The following DERL3 variants were observed in gnomAD, a reference collection of about 807,000 sequenced individuals.
DERL3 encodes derlin-3.
In DERL3, 20 loss-of-function variants were observed where a neutral mutation model predicts 23.8. The observed-to-expected ratio is 0.84, with a 90% CI of 0.59 to 1.22. The LOEUF is 1.22. Among genes scored for constraint, DERL3 ranks in the 50% most tolerant of loss-of-function variants. The probability of loss-of-function intolerance (pLI) is 0.00; values close to 1 mark genes in which losing one functional copy is unlikely to be tolerated. For missense variants in DERL3, 319 were observed against 304.1 expected, an observed-to-expected ratio of 1.05 and a Z score of -0.36; for synonymous variants, 145 against 132.5, an observed-to-expected ratio of 1.09 and a Z score of -0.65.
In DERL3 at chr22:23,837,229, C is replaced by T. The variant is rs765935859; in HGVS notation, c.524-75G>A. Reference sequence around the variant, plus strand: ...TAGACCAGCAGAGCCTGCCCCAGGCCCCCATCCACAGCCTGGTGGCCCTGC... The same window carrying T: ...TAGACCAGCAGAGCCTGCCCCAGGCTCCCATCCACAGCCTGGTGGCCCTGC... On this transcript the variant is annotated intron_variant, in intron 5 of 6. Coordinates refer to ENST00000318109, the MANE Select transcript of DERL3 (RefSeq NM_001002862.3). 2.3e-5 allele frequency: 36 copies of T among 1,551,500 alleles called. No homozygotes were observed. In the East Asian group the frequency reaches 6.6e-4, roughly 28 times the overall value.
Position 23,835,989 on chromosome 22 carries a change from G to T in DERL3, c.*880C>A, listed in dbSNP as rs1171246977. On this transcript the variant is annotated 3_prime_UTR_variant, in exon 7 of 7. Coordinates refer to ENST00000318109, the MANE Select transcript of DERL3 (RefSeq NM_001002862.3). The stretch of plus-strand genomic sequence containing the variant: ...AAAATGACAACCTGTCTTTGGAGGA[G>T]GCCCCGTGCCACTGAGCATCCAGAA... The T allele has an allele frequency of 3.0e-6, 3 of 985,376 alleles. No homozygotes were observed. The East Asian group carries it at 3.4e-4, about 112-fold the overall frequency. 61.0% of individuals were successfully genotyped at this position (985,376 alleles called of 1,614,324 possible). A position where few individuals can be genotyped will look rare whatever the true frequency, so the allele number is the denominator to read the frequency against.
rs1269632115 is a variant in DERL3 at position 23,837,814 on chromosome 22, G to C, written c.368C>G (p.Ala123Gly). The C allele has an allele frequency of 6.2e-7, 1 of 1,613,556 alleles. No homozygotes were observed. Among genetic ancestry groups the C allele is most frequent in the African/African-American group, 1.3e-5 (1 of 74,912 alleles). Residue 123 changes from alanine (A) to glycine (G), a missense_variant, in exon 5 of 7, where the codon GCC becomes GGC. Coordinates refer to ENST00000318109, the MANE Select transcript of DERL3 (RefSeq NM_001002862.3). ...LLGSLFFLGQ[A>G]LMAMLVYVWS... is the part of the protein sequence containing the mutation. The stretch of plus-strand genomic sequence containing the variant: ...CACGTACACCAGCATGGCCATGAGG[G>C]CCTGGCCCAGGAAGAACAGGCTGCC...
rs773070294 is a variant in DERL3, at chr22:23,838,721, C to T, written c.149G>A (p.Arg50Gln). 18 of 1,550,446 alleles carry T rather than the reference C, an allele frequency of 1.2e-5. 1 individual carries two copies. Among genetic ancestry groups the T allele is most frequent in the Admixed American group, 7.9e-5 (4 of 50,918 alleles). The change falls in exon 2 of 7, where the codon CGG becomes CAG. Residue 50 changes from arginine to glutamine, a missense_variant. Coordinates refer to ENST00000318109, the MANE Select transcript of DERL3 (RefSeq NM_001002862.3). ...GCGGGGCGGCCTCACCTGGAACTTC[C>T]GGAACACAAGGTGCGGGTTGAAGTA... ...QLYFNPHLVF[R>Q]KFQVWRLVTN... is the part of the protein sequence containing the mutation.
rs1373046368 is a variant in DERL3, at chr22:23,838,043, CA to C, written c.328-190del. ...CCACGAAATCTGCCCTGCACACCTA[CA>C]GCCTCATCCCAGGGCCCAACCACTG... On this transcript the variant is annotated intron_variant, in intron 4 of 6. Coordinates refer to ENST00000318109, the MANE Select transcript of DERL3 (RefSeq NM_001002862.3). 5 of 1,397,318 alleles carry C rather than the reference CA, an allele frequency of 3.6e-6. No homozygotes were observed. The African/African-American group carries it at 7.2e-5, about 20-fold the overall frequency. 86.6% of individuals were successfully genotyped at this position (1,397,318 alleles called of 1,614,324 possible).
chr22:23,838,391 G>A lies in DERL3; in HGVS notation c.288C>T (p.Asp96=). ...CCCCGAAGAGAAACATGAAGACGAA[G>A]TCGGCCGTGCGGCCGCGGAAGGAGC... The part of the protein sequence containing the change: ...EEGSFRGRTA[D]FVFMFLFGGV... The change falls in exon 4 of 7, where the codon GAC becomes GAT. Residue 96 remains aspartate (D), a synonymous_variant. Transcript: ENST00000318109. 1 of 1,610,362 alleles carries A rather than the reference G, an allele frequency of 6.2e-7. No homozygotes were observed. Among genetic ancestry groups the A allele is most frequent in the Non-Finnish European group, 8.5e-7 (1 of 1,178,390 alleles).
Position 23,837,117 on chromosome 22 carries a change from G to C in DERL3, c.561C>G (p.Asp187Glu). 1 of 1,613,998 alleles carries C rather than the reference G, an allele frequency of 6.2e-7. No homozygotes were observed. The highest frequency in any genetic ancestry group is 1.1e-5 in the South Asian group (1 of 91,070). ...AVGHIYYFLE[D>E]VFPNQPGGKR... ...TGCCTCCAGGCTGGTTGGGGAAGAC[G>C]TCCTCCAGGAAGTAGTAGATATGGC... The change falls in exon 6 of 7, where the codon GAC becomes GAG. Residue 187 changes from aspartate (D) to glutamate (E), a missense_variant. Physicochemically the swap from Asp to Glu is conservative, Grantham distance 45. Coordinates refer to ENST00000318109, the MANE Select transcript of DERL3 (RefSeq NM_001002862.3).
At position 23,834,833 on chromosome 22, in the gene DERL3, A is replaced by AGGTGCCGC. The variant is rs2030909385; in HGVS notation, c.*2028_*2035dup. ...CTGCTCCCCTTGCTTGGCCTCAGGA[A>AGGTGCCGC]GGTGCCGCGAGCTCTCCTGCCGTCC... On this transcript the variant is annotated 3_prime_UTR_variant, in exon 7 of 7. Transcript: ENST00000318109. The AGGTGCCGC allele has an allele frequency of 6.2e-7, 1 of 1,611,346 alleles. No homozygotes were observed. The highest frequency in any genetic ancestry group is 8.5e-7 in the Non-Finnish European group (1 of 1,179,202).
In DERL3 at chr22:23,835,384, A is replaced by G; in HGVS notation, c.*1485T>C. 1 of 988,992 alleles carries G rather than the reference A, an allele frequency of 1.0e-6. No individual in the cohort carries two copies. The highest frequency in any genetic ancestry group is 1.2e-6 in the Non-Finnish European group (1 of 832,510). 61.3% of individuals were successfully genotyped at this position (988,992 alleles called of 1,614,324 possible). On this transcript the variant is annotated 3_prime_UTR_variant, in exon 7 of 7. Coordinates refer to ENST00000318109, the MANE Select transcript of DERL3 (RefSeq NM_001002862.3). Reference sequence around the variant, plus strand: ...CCACCCTCAGCTGTTGGCAGGTCCCATGCTGCCAGGGCAGGGCTAGGGTCA... The same window carrying G: ...CCACCCTCAGCTGTTGGCAGGTCCCGTGCTGCCAGGGCAGGGCTAGGGTCA...
rs1262793425 is a variant in DERL3, at chr22:23,838,943, C to G, written c.45G>C (p.Ala15=). 13 of 1,584,028 alleles carry G rather than the reference C, an allele frequency of 8.2e-6. No homozygotes were observed. The highest frequency in any genetic ancestry group is 1.3e-5 in the African/African-American group (1 of 74,514). ...AGGCTGCGGTGTAAGCCCGCGTCACCGCCGGCACCTGCAGGAACTCGGCCG... is the reference window on the plus strand; with the variant it reads ...AGGCTGCGGTGTAAGCCCGCGTCACGGCCGGCACCTGCAGGAACTCGGCCG... ...GLAAEFLQVP[A]VTRAYTAACV... The change falls in exon 1 of 7, where the codon GCG becomes GCC. Residue 15 remains alanine (A), a synonymous_variant. Coordinates refer to ENST00000318109, the MANE Select transcript of DERL3 (RefSeq NM_001002862.3).
rs2030942153 is a variant in DERL3 at position 23,835,154 on chromosome 22, A to G, written c.*1715T>C. 2.3e-6 allele frequency: 3 copies of G among 1,326,228 alleles called. No homozygotes were observed. The highest frequency in any genetic ancestry group is 1.5e-5 in the African/African-American group (1 of 66,074). The allele number at this position is 1,326,228 out of a possible 1,614,324, so 82.2% of individuals were successfully genotyped here. On this transcript the variant is annotated 3_prime_UTR_variant, in exon 7 of 7. Transcript: ENST00000318109. ...TGCCAGCTCTTGGAGTTGACACGGTACAGGGAGGAGACACAGCCCAGGGTC... is the reference window on the plus strand; with the variant it reads ...TGCCAGCTCTTGGAGTTGACACGGTGCAGGGAGGAGACACAGCCCAGGGTC...
In DERL3 at chr22:23,838,924, C is replaced by T; in HGVS notation, c.64G>A (p.Ala22Thr). Residue 22 changes from alanine (A) to threonine (T), a missense_variant, in exon 1 of 7, where the codon GCA becomes ACA. Coordinates refer to ENST00000318109, the MANE Select transcript of DERL3 (RefSeq NM_001002862.3). ...QVPAVTRAYT[A>T]ACVLTTAAVQ... The stretch of plus-strand genomic sequence containing the variant: ...GCGGCGGTGGTGAGGACACAGGCTG[C>T]GGTGTAAGCCCGCGTCACCGCCGGC... 6.3e-7 allele frequency: 1 copy of T among 1,575,186 alleles called. No individual in the cohort carries two copies. The highest frequency in any genetic ancestry group is 8.6e-7 in the Non-Finnish European group (1 of 1,160,526).
chr22:23,835,725 A>G lies in DERL3; in HGVS notation c.*1144T>C, dbSNP rs139983373. ...CATTGCTGAGGTGTTTGTTCTGTCC[A>G]TGAGGTAGGAACCTCGGCAATGAAA... On this transcript the variant is annotated 3_prime_UTR_variant, in exon 7 of 7. Transcript: ENST00000318109. 517 of 985,516 alleles carry G rather than the reference A, an allele frequency of 5.2e-4. No individual in the cohort carries two copies. The Middle Eastern group carries it at 7.8e-3, about 15-fold the overall frequency. The allele number at this position is 985,516 out of a possible 1,614,324, so 61.0% of individuals were successfully genotyped here.
At chr22:23,837,604 G>T in intron 5 of DERL3, 55 bp downstream of exon 5, 1 of 1,558,420 alleles carries the variant, frequency 6.4e-7, no homozygotes, top group Non-Finnish European at 8.7e-7. Context: ...CATAAGCAGC[G>T]TGTCCTGAGG....
Position 23,838,584 on chromosome 22 carries a change from G to A in DERL3, c.213C>T (p.Phe71=), listed in dbSNP as rs780848633. The change falls in exon 3 of 7, where the codon TTC becomes TTT. Residue 71 remains phenylalanine (F), a synonymous_variant. Coordinates refer to ENST00000318109, the MANE Select transcript of DERL3 (RefSeq NM_001002862.3). ...GATACACGAAGAGCATGTTGAAGAA[G>A]AAGCTGAATCCCAGGGGCCCGAAGA... The part of the protein sequence containing the change: ...FLFFGPLGFS[F]FFNMLFVFRY... 5 of 1,586,426 alleles carry A rather than the reference G, an allele frequency of 3.2e-6. No individual in the cohort carries two copies. The highest frequency in any genetic ancestry group is 4.7e-5 in the East Asian group (2 of 42,924).
intron 4 of DERL3, 138 bp downstream of exon 4, chr22:23,838,214 G>C: frequency 6.5e-7 from 1 of 1,549,208 alleles, no homozygotes; most frequent in Non-Finnish European, 8.7e-7. Context: ...GCTGAGCACA[G>C]AGTGGGCCCT....
Position 23,837,772 on chromosome 22 carries a change from G to T in DERL3, c.410C>A (p.Pro137His). The change falls in exon 5 of 7, where the codon CCT (proline) becomes CAT (histidine). Residue 137 changes from proline (P) to histidine (H), a missense_variant. Coordinates refer to ENST00000318109, the MANE Select transcript of DERL3 (RefSeq NM_001002862.3). The part of the protein sequence containing the change: ...MLVYVWSRRS[P>H]RVRVNFFGLL... Reference sequence around the variant, plus strand: ...GCCGAAGAAGTTGACCCTCACCCGAGGGCTGCGGCGGCTCCACACGTACAC... The same window carrying T: ...GCCGAAGAAGTTGACCCTCACCCGATGGCTGCGGCGGCTCCACACGTACAC... 6.2e-7 allele frequency: 1 copy of T among 1,613,946 alleles called. No individual in the cohort carries two copies. Among genetic ancestry groups the T allele is most frequent in the Non-Finnish European group, 8.5e-7 (1 of 1,180,006 alleles).
In DERL3 at chr22:23,836,108, C is replaced by A; in HGVS notation, c.*761G>T. The A allele has an allele frequency of 1.0e-6, 1 of 985,486 alleles. No homozygotes were observed. 61.0% of individuals were successfully genotyped at this position (985,486 alleles called of 1,614,324 possible). On this transcript the variant is annotated 3_prime_UTR_variant, in exon 7 of 7. Transcript: ENST00000318109. ...ACAGGGGTCGGATAAGGCTCACACA[C>A]GTCCTCAGCTAAAAAGGGCAGGAAC...
Position 23,835,624 on chromosome 22 carries a change from C to T in DERL3, c.*1245G>A, listed in dbSNP as rs1344946774. On this transcript the variant is annotated 3_prime_UTR_variant, in exon 7 of 7. Coordinates refer to ENST00000318109, the MANE Select transcript of DERL3 (RefSeq NM_001002862.3). Reference sequence around the variant, plus strand: ...CAGAGCCCCATGCACAGCAAGGGGACAGCTGGGCCTTACTGGAAGGCCTTG... The same window carrying T: ...CAGAGCCCCATGCACAGCAAGGGGATAGCTGGGCCTTACTGGAAGGCCTTG... 9.1e-6 allele frequency: 9 copies of T among 985,392 alleles called. No homozygotes were observed. The highest frequency in any genetic ancestry group is 3.5e-5 in the African/African-American group (2 of 57,248). The allele number at this position is 985,392 out of a possible 1,614,324, so 61.0% of individuals were successfully genotyped here.
In DERL3 at chr22:23,834,558, A is replaced by G; in HGVS notation, c.*2311T>C. The stretch of plus-strand genomic sequence containing the variant: ...TCTTCAAAGTTTTAACATAAAAATA[A>G]TGAGAGCCAGGAGTGGGGCCGGGGC... On this transcript the variant is annotated 3_prime_UTR_variant, in exon 7 of 7. Coordinates refer to ENST00000318109, the MANE Select transcript of DERL3 (RefSeq NM_001002862.3). 3.0e-6 allele frequency: 2 copies of G among 674,278 alleles called. No individual in the cohort carries two copies. The highest frequency in any genetic ancestry group is 5.2e-6 in the Non-Finnish European group (2 of 382,630). The allele number at this position is 674,278 out of a possible 1,614,324, so 41.8% of individuals were successfully genotyped here.
Sources: gnomAD v4.1 joint callset for allele counts on GRCh38, gnomAD v4.1.1 for gene constraint, MANE v1.5 for transcripts, NCBI Gene and HGNC (gene_info 2026-07-23, HGNC 2026-07-21) for gene names.